The following GNB5 variants were observed in gnomAD, a reference collection of about 807,000 sequenced individuals.
GNB5 encodes the protein guanine nucleotide-binding protein subunit beta-5.
Under a neutral mutation model 55.3 loss-of-function variants are expected in GNB5, and 37 were observed. The ratio of observed to expected loss-of-function variants is 0.67; its 90% CI spans 0.51 to 0.88. The LOEUF is 0.88. Ranked by LOEUF, GNB5 falls within the 40% of genes least tolerant of loss-of-function variation. GNB5 has a pLI of 0.00. For missense variants in GNB5, 476 were observed against 515.3 expected, an observed-to-expected ratio of 0.92 and a Z score of 0.74; for synonymous variants, 219 against 198.5, an observed-to-expected ratio of 1.10 and a Z score of -0.87.
chr15:52,163,034 G>A (rs750467232), intron 3 of GNB5, among the ~76,000 whole-genome samples: 1 of 152,146 alleles, frequency 6.6e-6, no homozygotes, highest in African/African-American at 2.4e-5. Flanking sequence ...CACAGAGAGC[G>A]AGGAAAAGCA....
At chr15:52,129,885 C>A (rs2033530147) in intron 9 of GNB5, among the ~76,000 whole-genome samples, 1 of 152,230 alleles carries the variant, frequency 6.6e-6, no homozygotes, top group African/African-American at 2.4e-5. Flanking sequence ...AATGCTAATA[C>A]TGAACCCCAT....
At chr15:52,161,423 A>G (rs1299723282) in intron 3 of GNB5, among the ~76,000 whole-genome samples, 1 of 152,100 alleles carries the variant, frequency 6.6e-6, no homozygotes, top group Admixed American at 6.6e-5. Context: ...TCAGCCTCTC[A>G]AGCAGCTGGG....
chr15:52,142,563 T>G (rs61195644), intron 6 of GNB5, among the ~76,000 whole-genome samples: 24,686 of 117,278 alleles, frequency 0.21, 2,063 homozygotes, highest in South Asian at 0.32. Context: ...CCAGCTGTGT[T>G]TTTTTTTTTA....
chr15:52,140,794 A>T (rs773665908), intron 7 of GNB5, among the ~76,000 whole-genome samples: 26 of 152,210 alleles, frequency 1.7e-4, no homozygotes, highest in Non-Finnish European at 3.4e-4. Context: ...CTGAAGCCCG[A>T]CAGCTCAGTG....
chr15:52,147,531 T>C lies in GNB5; in HGVS notation c.422A>G (p.His141Arg), dbSNP rs1228643076. The C allele has an allele frequency of 6.3e-7, 1 of 1,582,782 alleles. No homozygotes were observed. ...CCACGTGCAGGGCATGGTGACCGCG[T>C]GCTCCTGAAACACAGCACAGAGTGA... ...VWDSFTTNKE[H>R]AVTMPCTWVM... Residue 141 changes from histidine (H) to arginine (R), a missense_variant, in exon 6 of 13, where the codon CAC becomes CGC. His to Arg is a conservative substitution (Grantham distance 29). Transcript: ENST00000261837.
chr15:52,162,030 C>T (rs1382422619), intron 3 of GNB5, among the ~76,000 whole-genome samples: 1 of 152,128 alleles, frequency 6.6e-6, no homozygotes, highest in Non-Finnish European at 1.5e-5. Flanking sequence ...ACGTCTACCC[C>T]TAAGTTCCAA....
intron 2 of GNB5, among the ~76,000 whole-genome samples, chr15:52,182,089 T>C (rs1309203812): frequency 1.3e-5 from 2 of 152,246 alleles, no homozygotes; most frequent in Non-Finnish European, 2.9e-5. Context: ...AGGGATTTAC[T>C]TGTGGTGCCT....
intron 3 of GNB5, among the ~76,000 whole-genome samples, chr15:52,157,568 T>C (rs2034241045): frequency 6.6e-6 from 1 of 152,190 alleles, no homozygotes; most frequent in African/African-American, 2.4e-5. Context: ...TATAAGGCTC[T>C]ATCGGCCCAG....
At chr15:52,180,892 C>T (rs772046571) in intron 2 of GNB5, 5 of 152,310 alleles carry the variant, frequency 3.3e-5, no homozygotes, top group Non-Finnish European at 7.3e-5. Context: ...CACAGAAAGA[C>T]TGAGTAATTG....
intron 3 of GNB5, among the ~76,000 whole-genome samples, chr15:52,164,012 A>G (rs1355676187): frequency 6.6e-6 from 1 of 152,162 alleles, no homozygotes; most frequent in Non-Finnish European, 1.5e-5. Context: ...CTGACTGTTA[A>G]AAGAAAAACA....
At chr15:52,138,401 A>T (rs2450473) in intron 7 of GNB5, 61,992 of 147,322 alleles carry the variant, frequency 0.42, 15,056 homozygotes, top group African/African-American at 0.68. Flanking sequence ...AAAAAAAAAA[A>T]CTCATTTTTT....
rs571171289 is a variant in GNB5 at position 52,115,750 on chromosome 15, T to C, written c.*7007A>G. 1 of 152,374 alleles carries C rather than the reference T, an allele frequency of 6.6e-6. No individual in the cohort carries two copies. Among genetic ancestry groups the C allele is most frequent in the South Asian group, 2.1e-4 (1 of 4,828 alleles). 9.4% of individuals were successfully genotyped at this position (152,374 alleles called of 1,614,324 possible). A position where few individuals can be genotyped will look rare whatever the true frequency, so the allele number is the denominator to read the frequency against. ...AAAAATTCACCCTCTTACAGTCCAG[T>C]GGTTTTTAGTCTATTCACAGAATTG... On this transcript the variant is annotated 3_prime_UTR_variant, in exon 13 of 13. Coordinates refer to ENST00000261837, the MANE Select transcript of GNB5 (RefSeq NM_016194.4).
chr15:52,161,209 G>A (rs1246895638), intron 3 of GNB5, among the ~76,000 whole-genome samples: 5 of 152,170 alleles, frequency 3.3e-5, no homozygotes, highest in Non-Finnish European at 5.9e-5. Flanking sequence ...CTGTGGGCGG[G>A]TAGCTATCAT....
intron 3 of GNB5, among the ~76,000 whole-genome samples, chr15:52,174,011 T>C (rs950176601): frequency 6.6e-6 from 1 of 152,246 alleles, no homozygotes; most frequent in African/African-American, 2.4e-5. Flanking sequence ...GATCTTGAGA[T>C]GGGGAGATTA....
chr15:52,188,229 G>T (rs917162785), intron 1 of GNB5, among the ~76,000 whole-genome samples: 2 of 152,020 alleles, frequency 1.3e-5, no homozygotes, highest in African/African-American at 4.8e-5. Context: ...GAGTCCTATG[G>T]GCCTTAAGTC....
intron 9 of GNB5, 76 bp downstream of exon 9, chr15:52,133,302 T>C: frequency 1.0e-6 from 1 of 1,000,550 alleles, no homozygotes; most frequent in Non-Finnish European, 1.6e-6. Flanking sequence ...CTGGAGGCGG[T>C]TCCTGGGCTA....
At chr15:52,165,079 C>G (rs980110714) in intron 3 of GNB5, among the ~76,000 whole-genome samples, 1 of 152,146 alleles carries the variant, frequency 6.6e-6, no homozygotes, top group Admixed American at 6.6e-5. Flanking sequence ...CAAGTAACAA[C>G]AGCTGAACAG....
At chr15:52,131,778 C>T (rs1037076241) in intron 9 of GNB5, among the ~76,000 whole-genome samples, 3 of 152,092 alleles carry the variant, frequency 2.0e-5, no homozygotes, top group African/African-American at 7.2e-5. Context: ...CGTGTTTTCC[C>T]ACTAAGTATA....
chr15:52,190,711 A>G (rs1440077583), intron 1 of GNB5, among the ~76,000 whole-genome samples: 4 of 149,176 alleles, frequency 2.7e-5, no homozygotes, highest in African/African-American at 9.9e-5. Context: ...AGTGAAACGG[A>G]TATAGTCTAT....
Sources: allele counts gnomAD v4.1 joint callset (sites outside exome capture counted in the v4.1 genomes callset), GRCh38; gene constraint gnomAD v4.1.1; transcripts MANE v1.5; gene names NCBI Gene and HGNC (gene_info 2026-07-23, HGNC 2026-07-21).